Variants in SRSF1 observed in about 807,000 individuals in gnomAD.
SRSF1 encodes serine and arginine rich splicing factor 1, also known as serine/arginine-rich splicing factor 1.
A neutral mutation model predicts 25.9 loss-of-function variants in SRSF1; 1 was observed. The ratio of observed to expected loss-of-function variants is 0.04; its 90% CI spans 0.01 to 0.18. The LOEUF is 0.18. Among genes scored for constraint, SRSF1 ranks in the 10% least tolerant of loss-of-function variants. SRSF1 has a pLI of 1.00. For synonymous variants in SRSF1, 132 were observed against 126.2 expected, an observed-to-expected ratio of 1.05 and a Z score of -0.31; for missense variants, 65 against 350.5, an observed-to-expected ratio of 0.19 and a Z score of 6.50.
chr17:58,006,737 T>A, intron 1 of SRSF1: 1 of 876,022 alleles, frequency 1.1e-6, no homozygotes, highest in East Asian at 2.7e-5. Flanking sequence ...CGCTCCAGCC[T>A]GCGAATGGGC....
downstream of SRSF1, among the ~76,000 whole-genome samples, chr17:57,997,629 GA>G (rs1205053213): frequency 1.3e-5 from 2 of 152,184 alleles, no homozygotes; most frequent in Non-Finnish European, 2.9e-5. Context: ...TGGAGTCACT[GA>G]AACCAGCTTT....
the SRSF1 span, chr17:57,989,394 ATTC>A: frequency 1.5e-5 from 6 of 398,160 alleles, 1 homozygote; most frequent in African/African-American, 1.2e-4. Flanking sequence ...TTTAGAAAAA[ATTC>A]TTCAGATGGA....
chr17:57,998,360 A>C (rs1262660780), downstream of SRSF1, among the ~76,000 whole-genome samples: 2 of 152,088 alleles, frequency 1.3e-5, no homozygotes, highest in African/African-American at 4.8e-5. Flanking sequence ...TGATCCTATA[A>C]TCTTATGTAT....
Position 58,005,514 on chromosome 17 carries a change from GCTACGA to G in SRSF1, c.633_638del (p.Arg218_Ser219del). 2.5e-6 allele frequency: 4 copies of G among 1,614,120 alleles called. No homozygotes were observed. Among genetic ancestry groups the G allele is most frequent in the Non-Finnish European group, 3.4e-6 (4 of 1,180,022 alleles). ...TGCTGTTGCTTCTGCTACGGCTTCT[GCTACGA>G]CTACGGCTTCGAGATCGAGATCTTC... On this transcript the variant is annotated inframe_deletion, in exon 4 of 4. Coordinates refer to ENST00000258962, the MANE Select transcript of SRSF1 (RefSeq NM_006924.5). The surrounding 1 kb of genome is among the most constrained non-coding windows in gnomAD (Gnocchi z 5.2).
chr17:57,999,159 A>C (rs970483917), downstream of SRSF1, among the ~76,000 whole-genome samples: 1 of 152,244 alleles, frequency 6.6e-6, no homozygotes, highest in African/African-American at 2.4e-5. Context: ...AAGCTGACAC[A>C]TAAGTAGGAT....
rs1024837007 is a variant in SRSF1 at position 58,005,327 on chromosome 17, A to G, written c.*79T>C. 1.3e-6 allele frequency: 2 copies of G among 1,503,850 alleles called. No individual in the cohort carries two copies. Among genetic ancestry groups the G allele is most frequent in the African/African-American group, 1.4e-5 (1 of 72,070 alleles). The allele number at this position is 1,503,850 out of a possible 1,614,324, so 93.2% of individuals were successfully genotyped here. On this transcript the variant is annotated 3_prime_UTR_variant, in exon 4 of 4. Transcript: ENST00000258962. This position sits in a 1 kb window ranked among gnomAD's most constrained non-coding sequence, Gnocchi z 5.2. Reference sequence around the variant, plus strand: ...GCCCATTCTGAACAAAACAGTTTGAATTAAAAAATGAAAAGATTGTACTGA... The same window carrying G: ...GCCCATTCTGAACAAAACAGTTTGAGTTAAAAAATGAAAAGATTGTACTGA...
downstream of SRSF1, among the ~76,000 whole-genome samples, chr17:58,000,918 A>G (rs1164531365): frequency 6.6e-6 from 1 of 152,200 alleles, no homozygotes; most frequent in East Asian, 1.9e-4. Flanking sequence ...GAAGGCAGCA[A>G]TTCTGGTCAG....
the SRSF1 span, chr17:57,994,151 AATTT>A: frequency 1.3e-5 from 2 of 152,250 alleles, no homozygotes; most frequent in African/African-American, 2.4e-5. Context: ...TTTTCAGGCC[AATTT>A]ATTTATAATA....
At chr17:57,999,754 A>C (rs1212491216), downstream of SRSF1, among the ~76,000 whole-genome samples, 1 of 152,178 alleles carries the variant, frequency 6.6e-6, no homozygotes, top group East Asian at 1.9e-4. Flanking sequence ...AAAACCAAAC[A>C]AACAAACAAA....
chr17:58,007,018 G>T lies in SRSF1; in HGVS notation c.120C>A (p.Gly40=), dbSNP rs371522057. 1 of 1,614,042 alleles carries T rather than the reference G, an allele frequency of 6.2e-7. No homozygotes were observed. The highest frequency in any genetic ancestry group is 1.3e-5 in the African/African-American group (1 of 74,906). The change falls in exon 1 of 4, where the codon GGC becomes GGA. Residue 40 remains glycine, a synonymous_variant. Transcript: ENST00000258962. ...KDIEDVFYKY[G]AIRDIDLKNR... Reference sequence around the variant, plus strand: ...TCTTGAGGTCGATGTCGCGGATAGCGCCGTATTTGTAGAACACGTCCTCAA... The same window carrying T: ...TCTTGAGGTCGATGTCGCGGATAGCTCCGTATTTGTAGAACACGTCCTCAA...
chr17:57,995,578 G>C, the SRSF1 span, among the ~76,000 whole-genome samples: 1 of 152,202 alleles, frequency 6.6e-6, no homozygotes, highest in Admixed American at 6.5e-5. Flanking sequence ...TCAGCACACA[G>C]GGTAAGAACA....
At chr17:57,998,601 G>C (rs751077033), downstream of SRSF1, among the ~76,000 whole-genome samples, 11 of 152,114 alleles carry the variant, frequency 7.2e-5, no homozygotes, top group Non-Finnish European at 1.3e-4. Flanking sequence ...GGACACCAGA[G>C]CTAACATTTA....
At chr17:58,006,691 C>G in intron 1 of SRSF1, 164 bp from the exon 2 acceptor site, 1 of 936,510 alleles carries the variant, frequency 1.1e-6, no homozygotes, top group Non-Finnish European at 1.6e-6. Context: ...CGCCAGGCTC[C>G]CAACCACTAC....
At chr17:57,989,539 A>T in the SRSF1 span, 1 of 397,780 alleles carries the variant, frequency 2.5e-6, no homozygotes, top group East Asian at 3.6e-5. Flanking sequence ...ATATGGCTGG[A>T]GAATTCTACT....
intron 2 of SRSF1, 84 bp downstream of exon 2, chr17:58,006,259 G>T: frequency 1.4e-6 from 2 of 1,464,614 alleles, no homozygotes; most frequent in East Asian, 4.6e-5. Flanking sequence ...TGAAAAATTT[G>T]CAATTATTAA....
downstream of SRSF1, among the ~76,000 whole-genome samples, chr17:57,995,977 C>CA (rs2075363067): frequency 6.6e-6 from 1 of 152,100 alleles, no homozygotes; most frequent in Admixed American, 6.5e-5. Flanking sequence ...CCTGTCTCTA[C>CA]AAAAAATATA....
chr17:58,006,638 A>G, intron 1 of SRSF1, 111 bp from the exon 2 acceptor site: 1 of 1,276,942 alleles, frequency 7.8e-7, no homozygotes, highest in Non-Finnish European at 1.1e-6. Flanking sequence ...AAGAGCCCAC[A>G]TGCGCCGCAT....
At chr17:58,006,160 A>C in intron 2 of SRSF1, 183 bp downstream of exon 2, 2 of 952,758 alleles carry the variant, frequency 2.1e-6, no homozygotes, top group Middle Eastern at 3.1e-4. Context: ...CTTCGTATCT[A>C]GTACCGCAAC....
the SRSF1 span, chr17:57,994,910 G>A: frequency 1.3e-5 from 2 of 152,140 alleles, no homozygotes; most frequent in Non-Finnish European, 2.9e-5. Context: ...CTGTCACTGG[G>A]GATACTTCTA....
Sources: allele counts gnomAD v4.1 joint callset (sites outside exome capture counted in the v4.1 genomes callset), GRCh38; gene constraint gnomAD v4.1.1; non-coding constraint Gnocchi (gnomAD v3.1); transcripts MANE v1.5; gene names NCBI Gene and HGNC (gene_info 2026-07-23, HGNC 2026-07-21).